CTNNA3: variants seen among roughly 807,000 people sequenced by gnomAD.
The protein encoded by CTNNA3 is catenin alpha-3.
CTNNA3 carries 76 observed loss-of-function variants against 95.7 expected under a neutral mutation model. The observed-to-expected ratio is 0.79, with a 90% CI of 0.66 to 0.96. CTNNA3 has a LOEUF of 0.96. Among genes scored for constraint, CTNNA3 ranks in the 40% least tolerant of loss-of-function variants. The pLI is 0.00. For missense variants in CTNNA3, 1,191 were observed against 1,089.8 expected, an observed-to-expected ratio of 1.09 and a Z score of -1.31; for synonymous variants, 431 against 374.4, an observed-to-expected ratio of 1.15 and a Z score of -1.74.
chr10:67,317,431 CTTT>C (rs11318586), intron 5 of CTNNA3, among the ~76,000 whole-genome samples: 3 of 131,008 alleles, frequency 2.3e-5, no homozygotes, highest in African/African-American at 2.9e-5. Context: ...TCTCATTGTT[CTTT>C]TTTTTTTTTT....
intron 11 of CTNNA3, among the ~76,000 whole-genome samples, chr10:66,508,530 C>G (rs1411802187): frequency 6.6e-6 from 1 of 151,952 alleles, no homozygotes; most frequent in East Asian, 1.9e-4. Flanking sequence ...TTGGTACTTG[C>G]CACTTTTATA....
intron 5 of CTNNA3, among the ~76,000 whole-genome samples, chr10:67,248,178 T>G (rs769003915): frequency 2.0e-5 from 3 of 151,858 alleles, no homozygotes; most frequent in Non-Finnish European, 2.9e-5. Flanking sequence ...AAAGATTAGC[T>G]GGGTGTGGTG....
chr10:67,636,229 A>G (rs1199510083), intron 2 of CTNNA3, among the ~76,000 whole-genome samples: 4 of 152,218 alleles, frequency 2.6e-5, no homozygotes. Context: ...TGTCGTTAGA[A>G]TGGCCATACT....
At chr10:66,813,657 T>C (rs1431201278) in intron 7 of CTNNA3, among the ~76,000 whole-genome samples, 1 of 152,198 alleles carries the variant, frequency 6.6e-6, no homozygotes, top group African/African-American at 2.4e-5. Context: ...GTACTGGGAA[T>C]GAATTTTTCT....
intron 9 of CTNNA3, among the ~76,000 whole-genome samples, chr10:66,638,803 T>C (rs1196630727): frequency 1.3e-5 from 2 of 152,132 alleles, no homozygotes; most frequent in Non-Finnish European, 2.9e-5. Context: ...CCCCCGCCCA[T>C]TCGTTATTCT....
In CTNNA3 at chr10:67,725,325, C is replaced by T. The variant is rs527840350; in HGVS notation, c.-2+38109G>A. 4.0e-3 allele frequency among the ~76,000 whole-genome samples: 602 copies of T among 152,060 alleles called. 5 individuals are homozygous for T. The highest frequency in any genetic ancestry group is 0.014 in the African/African-American group (566 of 41,518). Reference sequence around the variant, plus strand: ...CCAAGTAGCTGGGACAACAGGCACCCGCCACCACGCCCAGCTAATTTTTTT... The same window carrying T: ...CCAAGTAGCTGGGACAACAGGCACCTGCCACCACGCCCAGCTAATTTTTTT... On this transcript the variant is annotated intron_variant, in intron 1 of 17. Coordinates refer to the CTNNA3 transcript ENST00000684154.
At chr10:67,750,534 T>C in intron 1 of CTNNA3, 2 of 1,577,446 alleles carry the variant, frequency 1.3e-6, no homozygotes, top group Non-Finnish European at 1.7e-6. Flanking sequence ...CCCACTTTCT[T>C]TGAGAGACCC....
chr10:66,645,249 T>C (rs954401575), intron 9 of CTNNA3, among the ~76,000 whole-genome samples: 1 of 152,186 alleles, frequency 6.6e-6, no homozygotes, highest in Non-Finnish European at 1.5e-5. Flanking sequence ...TCACACTTCA[T>C]GATTGTGGTA....
intron 7 of CTNNA3, among the ~76,000 whole-genome samples, chr10:67,119,357 C>T (rs1589760133): frequency 1.3e-5 from 2 of 151,844 alleles, no homozygotes; most frequent in African/African-American, 2.4e-5. Flanking sequence ...ATTGTTTGAG[C>T]TATACATCTT....
chr10:67,091,590 TA>T (rs1253894166), intron 7 of CTNNA3, among the ~76,000 whole-genome samples: 3 of 152,114 alleles, frequency 2.0e-5, no homozygotes, highest in African/African-American at 7.2e-5. Flanking sequence ...GATAAATTTA[TA>T]AATGCCCAGT....
intron 16 of CTNNA3, among the ~76,000 whole-genome samples, chr10:65,978,424 G>T (rs1275603697): frequency 1.4e-5 from 2 of 146,414 alleles, no homozygotes; most frequent in South Asian, 2.1e-4. Flanking sequence ...AGACTGTATT[G>T]TAAGCATTTT....
intron 7 of CTNNA3, among the ~76,000 whole-genome samples, chr10:67,078,229 G>C (rs951713827): frequency 6.6e-6 from 1 of 152,152 alleles, no homozygotes; most frequent in Non-Finnish European, 1.5e-5. Flanking sequence ...GGCATGAAGA[G>C]TGATCTTCCC....
chr10:67,763,571 C>T (rs1336215012), exon 1 of CTNNA3, among the ~76,000 whole-genome samples: 1 of 152,230 alleles, frequency 6.6e-6, no homozygotes, highest in Non-Finnish European at 1.5e-5. Context: ...AAAAGGCCTT[C>T]TGTTACTTTT....
At chr10:66,706,322 A>G (rs1848114809) in intron 9 of CTNNA3, among the ~76,000 whole-genome samples, 1 of 151,256 alleles carries the variant, frequency 6.6e-6, no homozygotes, top group African/African-American at 2.4e-5. Context: ...CTTTCATTCA[A>G]TTAATCTACT....
chr10:66,717,037 G>GAAAA (rs796489841), intron 9 of CTNNA3, among the ~76,000 whole-genome samples: 4 of 135,220 alleles, frequency 3.0e-5, no homozygotes, highest in African/African-American at 1.1e-4. Flanking sequence ...GATAAAAACA[G>GAAAA]AAAAAAAAAA....
intron 7 of CTNNA3, among the ~76,000 whole-genome samples, chr10:66,961,232 A>G (rs1023412297): frequency 6.6e-6 from 1 of 152,082 alleles, no homozygotes; most frequent in Non-Finnish European, 1.5e-5. Flanking sequence ...ATTGTTTTGT[A>G]TAGTCTCTGA....
chr10:66,969,517 A>C (rs1408446813), intron 7 of CTNNA3, among the ~76,000 whole-genome samples: 1 of 152,174 alleles, frequency 6.6e-6, no homozygotes, highest in African/African-American at 2.4e-5. Flanking sequence ...TCCTCGGGAT[A>C]CATTTTTATA....
rs375819520 is a variant in CTNNA3, at chr10:66,327,424, G to A, written c.1733-46803C>T. 4.5e-4 allele frequency among the ~76,000 whole-genome samples: 69 copies of A among 152,110 alleles called. 1 individual carries two copies. The South Asian group carries it at 0.014, about 31-fold the overall frequency. On this transcript the variant is annotated intron_variant, in intron 12 of 17. Coordinates refer to ENST00000433211, the MANE Select transcript of CTNNA3 (RefSeq NM_013266.4). ...AAAATATTTTTGGAACATTTAAAAT[G>A]ATCCTGAGATTGCAATTGTTTATCA...
chr10:67,215,110 C>T (rs993212820), intron 6 of CTNNA3, among the ~76,000 whole-genome samples: 2 of 151,942 alleles, frequency 1.3e-5, no homozygotes, highest in African/African-American at 4.8e-5. Flanking sequence ...ACTTCTGTGT[C>T]TTTCTGTGGG....
Sources: allele counts gnomAD v4.1 joint callset (sites outside exome capture counted in the v4.1 genomes callset), GRCh38; gene constraint gnomAD v4.1.1; transcripts MANE v1.5; gene names NCBI Gene and HGNC (gene_info 2026-07-23, HGNC 2026-07-21).